The following CAMK2B variants were observed in gnomAD, a reference collection of about 807,000 sequenced individuals.
CAMK2B encodes the protein calcium/calmodulin-dependent protein kinase type II subunit beta.
CAMK2B carries 27 observed loss-of-function variants against 93.7 expected under a neutral mutation model. That is an observed-to-expected ratio of 0.29 (90% CI 0.21 to 0.40). The LOEUF (loss-of-function observed/expected upper bound fraction) is 0.40, where lower values mean the gene tolerates loss of function less well. Among genes scored for constraint, CAMK2B ranks in the 10% least tolerant of loss-of-function variants. The probability of loss-of-function intolerance (pLI) is 1.00; values close to 1 mark genes in which losing one functional copy is unlikely to be tolerated. For synonymous variants in CAMK2B, 374 were observed against 358.8 expected (o/e 1.04, Z -0.48); for missense variants, 568 against 895.8 (o/e 0.63, Z 4.67).
At chr7:44,234,814 C>T (rs1478991234) in intron 13 of CAMK2B, 138 bp from the exon 14 acceptor site, 1 of 881,730 alleles carries the variant, frequency 1.1e-6, no homozygotes, top group South Asian at 1.5e-5. Flanking sequence ...TTCCAGCACC[C>T]AGGCTGGCTC....
intron 1 of CAMK2B, among the ~76,000 whole-genome samples, chr7:44,285,029 C>T (rs1784667830): frequency 6.6e-6 from 1 of 152,080 alleles, no homozygotes; most frequent in African/African-American, 2.4e-5. Flanking sequence ...CTGAGGCCAT[C>T]GAGAAGAGGC....
chr7:44,257,332 C>T (rs545435998), intron 4 of CAMK2B, among the ~76,000 whole-genome samples: 4 of 152,336 alleles, frequency 2.6e-5, no homozygotes, highest in South Asian at 2.1e-4. Context: ...CAGCCAATCT[C>T]CTCTTCCCAG....
intron 9 of CAMK2B, 30 bp downstream of exon 9, chr7:44,242,530 A>T (rs991187725): frequency 6.4e-7 from 1 of 1,569,330 alleles, no homozygotes; most frequent in African/African-American, 1.3e-5. Flanking sequence ...GGAGGAAGGG[A>T]GCTCATCAGA....
chr7:44,226,459 G>A (rs979508529), intron 20 of CAMK2B, 57 bp downstream of exon 20: 20 of 1,318,800 alleles, frequency 1.5e-5, no homozygotes, highest in South Asian at 4.5e-5. Context: ...TGCCAGGCTC[G>A]CACGCCCCGA....
rs1042802923 is a variant in CAMK2B, at chr7:44,311,874, C to T, written c.65+13483G>A. 7.2e-5 allele frequency among the ~76,000 whole-genome samples: 11 copies of T among 151,972 alleles called. No homozygotes were observed. Among genetic ancestry groups the T allele is most frequent in the Non-Finnish European group, 1.2e-4 (8 of 67,982 alleles). On this transcript the variant is annotated intron_variant, in intron 1 of 23. Coordinates refer to ENST00000395749, the MANE Select transcript of CAMK2B (RefSeq NM_001220.5). This position sits in a 1 kb window ranked among gnomAD's most constrained non-coding sequence, Gnocchi z 4.2. ...TGACTGCGTGGCTGGCTCCCTGCAC[C>T]GTGGACTGACCCTCACGACGCTCCA...
In CAMK2B at chr7:44,242,693, G is replaced by T. The variant is rs201707703; in HGVS notation, c.602-39C>A. 2.8e-5 allele frequency: 41 copies of T among 1,443,560 alleles called. No individual in the cohort carries two copies. In the East Asian group the frequency reaches 9.3e-4, roughly 33 times the overall value. The allele number at this position is 1,443,560 out of a possible 1,614,324, so 89.4% of individuals were successfully genotyped here. On this transcript the variant is annotated intron_variant, in intron 8 of 23. Coordinates refer to ENST00000395749, the MANE Select transcript of CAMK2B (RefSeq NM_001220.5). ...CTGTGAGCACCGCAGCCACTTGCAGGGTGCCACCGTCCATGAAGCCCATGC... is the reference window on the plus strand; with the variant it reads ...CTGTGAGCACCGCAGCCACTTGCAGTGTGCCACCGTCCATGAAGCCCATGC...
chr7:44,238,503 C>T (rs1208983191), intron 13 of CAMK2B, among the ~76,000 whole-genome samples: 1 of 152,192 alleles, frequency 6.6e-6, no homozygotes, highest in African/African-American at 2.4e-5. Flanking sequence ...AGGGCTCTCC[C>T]GGGGTGCTGC....
At chr7:44,247,751 G>A (rs190141360) in intron 5 of CAMK2B, among the ~76,000 whole-genome samples, 3 of 152,366 alleles carry the variant, frequency 2.0e-5, no homozygotes, top group African/African-American at 7.2e-5. Flanking sequence ...AACCTGCCTG[G>A]GCGCGGTGGT....
chr7:44,228,324 C>T (rs2096540011), intron 19 of CAMK2B, among the ~76,000 whole-genome samples: 1 of 152,080 alleles, frequency 6.6e-6, no homozygotes, highest in Non-Finnish European at 1.5e-5. Flanking sequence ...CCTTCCTCAG[C>T]CTCCTAGACT....
chr7:44,236,433 A>AG (rs2096626927), intron 13 of CAMK2B, among the ~76,000 whole-genome samples: 1 of 152,078 alleles, frequency 6.6e-6, no homozygotes, highest in African/African-American at 2.4e-5. Context: ...GGAGAAGTAG[A>AG]GGGGCCTCAG....
At chr7:44,294,087 AG>A (rs1787617595) in intron 1 of CAMK2B, among the ~76,000 whole-genome samples, 1 of 152,114 alleles carries the variant, frequency 6.6e-6, no homozygotes, top group South Asian at 2.1e-4. Flanking sequence ...TCCCCAGGAA[AG>A]CTACTTCTCC....
intron 1 of CAMK2B, among the ~76,000 whole-genome samples, chr7:44,291,780 T>G (rs1022363233): frequency 6.6e-6 from 1 of 152,186 alleles, no homozygotes; most frequent in African/African-American, 2.4e-5. Context: ...CATGACTGTT[T>G]CAGTCATTTC....
chr7:44,297,861 C>T (rs930483685), intron 1 of CAMK2B, among the ~76,000 whole-genome samples: 6 of 152,216 alleles, frequency 3.9e-5, no homozygotes, highest in African/African-American at 1.2e-4. Context: ...CAGTGCCTCA[C>T]GTCTGTAATC....
intron 2 of CAMK2B, among the ~76,000 whole-genome samples, chr7:44,272,172 G>A (rs1377909222): frequency 6.6e-6 from 1 of 152,168 alleles, no homozygotes; most frequent in Non-Finnish European, 1.5e-5. Context: ...GGAGATCTGG[G>A]GCGGGGAATT....
intron 3 of CAMK2B, among the ~76,000 whole-genome samples, chr7:44,260,425 C>T (rs1404244054): frequency 6.6e-6 from 1 of 152,176 alleles, no homozygotes; most frequent in Non-Finnish European, 1.5e-5. Context: ...AGGCAAAATG[C>T]CCTCCACCAA....
intron 5 of CAMK2B, among the ~76,000 whole-genome samples, chr7:44,253,562 A>G (rs530835068): frequency 2.2e-4 from 34 of 151,970 alleles, no homozygotes; most frequent in Non-Finnish European, 4.6e-4. Flanking sequence ...ATCATCCACA[A>G]TTTCACCACC....
In CAMK2B at chr7:44,325,557, G is replaced by A; in HGVS notation, c.-136C>T. 3 of 324,780 alleles carry A rather than the reference G, an allele frequency of 9.2e-6. No individual in the cohort carries two copies. Among genetic ancestry groups the A allele is most frequent in the Non-Finnish European group, 1.3e-5 (3 of 228,650 alleles). The allele number at this position is 324,780 out of a possible 1,614,324, so 20.1% of individuals were successfully genotyped here. ...GGCTCGCGGCGCCAGGCGGGGGCCG[G>A]GCTGGGCTGCGCCGGGCGGCGAGCG... is the stretch of plus-strand genomic sequence containing the variant. On this transcript the variant is annotated 5_prime_UTR_variant, in exon 1 of 24. Coordinates refer to ENST00000395749, the MANE Select transcript of CAMK2B (RefSeq NM_001220.5).
At position 44,225,727 on chromosome 7, in the gene CAMK2B, TG is replaced by T; in HGVS notation, c.1597+788del. 1 of 1,288,852 alleles carries T rather than the reference TG, an allele frequency of 7.8e-7. No individual in the cohort carries two copies. The highest frequency in any genetic ancestry group is 1.0e-6 in the Non-Finnish European group (1 of 988,394). The allele number at this position is 1,288,852 out of a possible 1,614,324, so 79.8% of individuals were successfully genotyped here. On this transcript the variant is annotated intron_variant, in intron 20 of 23. Transcript: ENST00000395749. The surrounding 1 kb of genome is among the most constrained non-coding windows in gnomAD (Gnocchi z 5.0). ...CAGGCCCAGCCTGCAGAGGGGACGG[TG>T]GCAAGCAGACCCCACCTGTCCCTCA...
intron 12 of CAMK2B, among the ~76,000 whole-genome samples, chr7:44,239,900 T>G (rs771048946): frequency 6.6e-6 from 1 of 152,142 alleles, no homozygotes; most frequent in Non-Finnish European, 1.5e-5. Flanking sequence ...GGGCTTCTCA[T>G]GCCCAAAGGG....
Sources: gnomAD v4.1 joint callset for allele counts (sites outside exome capture counted in the v4.1 genomes callset) on GRCh38, gnomAD v4.1.1 for gene constraint, Gnocchi (gnomAD v3.1) non-coding constraint, MANE v1.5 for transcripts, NCBI Gene and HGNC (gene_info 2026-07-23, HGNC 2026-07-21) for gene names.